Variants in IKZF3 observed in about 807,000 individuals in gnomAD.
IKZF3 encodes the protein zinc finger protein Aiolos.
Under a neutral mutation model 49.0 loss-of-function variants are expected in IKZF3, and 10 were observed. The observed-to-expected ratio is 0.20, with a 90% CI of 0.13 to 0.35. The LOEUF is 0.35. IKZF3 is among the 10% of genes least tolerant of loss of function. IKZF3 has a pLI of 1.00. For synonymous variants in IKZF3, 209 were observed against 228.2 expected (o/e 0.92, Z 0.76); for missense variants, 498 against 664.8 (o/e 0.75, Z 2.76).
At chr17:39,788,488 G>A (rs2060927257) in intron 5 of IKZF3, 114 bp from the exon 6 acceptor site, 1 of 679,618 alleles carries the variant, frequency 1.5e-6, no homozygotes, top group Non-Finnish European at 2.7e-6. Context: ...TGAAGCCAGA[G>A]TATTTGGATA....
chr17:39,779,199 G>A (rs1171026066), intron 6 of IKZF3, among the ~76,000 whole-genome samples: 1 of 152,178 alleles, frequency 6.6e-6, no homozygotes, highest in African/African-American at 2.4e-5. Context: ...GGTGGCTCAC[G>A]TCTATAATCC....
At position 39,764,600 on chromosome 17, in the gene IKZF3, G is replaced by C. The variant is rs1303405116; in HGVS notation, c.*1190C>G. 2 of 151,870 alleles carry C rather than the reference G, an allele frequency of 1.3e-5. No individual in the cohort carries two copies. Among genetic ancestry groups the C allele is most frequent in the Admixed American group, 1.3e-4 (2 of 15,258 alleles). The allele number at this position is 151,870 out of a possible 1,614,324, so 9.4% of individuals were successfully genotyped here. A position where few individuals can be genotyped will look rare whatever the true frequency, so the allele number is the denominator to read the frequency against. On this transcript the variant is annotated 3_prime_UTR_variant, in exon 8 of 8. Coordinates refer to ENST00000346872, the MANE Select transcript of IKZF3 (RefSeq NM_012481.5). ...CCTCCTGATAGTATGTACATATTAT[G>C]AGTGACAAGGATGACTTATACATCT...
chr17:39,812,430 G>C (rs889482422), intron 3 of IKZF3, among the ~76,000 whole-genome samples: 1 of 152,032 alleles, frequency 6.6e-6, no homozygotes, highest in African/African-American at 2.4e-5. Context: ...GCTCAGGATC[G>C]GGGAAGGGCT....
At chr17:39,846,323 T>C (rs1205072381) in intron 1 of IKZF3, among the ~76,000 whole-genome samples, 1 of 152,170 alleles carries the variant, frequency 6.6e-6, no homozygotes, top group Non-Finnish European at 1.5e-5. Flanking sequence ...ATAGCCATTC[T>C]AGCAATCTCA....
At chr17:39,780,435 C>T (rs1032637481) in intron 6 of IKZF3, among the ~76,000 whole-genome samples, 13 of 152,082 alleles carry the variant, frequency 8.5e-5, no homozygotes, top group Non-Finnish European at 1.5e-4. Flanking sequence ...ATGATCACAG[C>T]TCACTGCAGG....
intron 5 of IKZF3, among the ~76,000 whole-genome samples, chr17:39,790,835 T>C (rs2060999795): frequency 6.6e-6 from 1 of 151,042 alleles, no homozygotes; most frequent in South Asian, 2.1e-4. Flanking sequence ...GTGGGAGGAA[T>C]GCCTGAGCTC....
At chr17:39,778,951 C>T (rs1313608139) in intron 6 of IKZF3, among the ~76,000 whole-genome samples, 1 of 152,214 alleles carries the variant, frequency 6.6e-6, no homozygotes, top group Non-Finnish European at 1.5e-5. Context: ...ATACCTATGC[C>T]CAGGCCCCCC....
intron 6 of IKZF3, among the ~76,000 whole-genome samples, chr17:39,783,064 G>T (rs535038328): frequency 6.6e-6 from 1 of 152,228 alleles, no homozygotes; most frequent in African/African-American, 2.4e-5. Flanking sequence ...ATGTAATTGT[G>T]TTGTGCTTTT....
intron 5 of IKZF3, among the ~76,000 whole-genome samples, chr17:39,790,023 A>G (rs1423727153): frequency 6.6e-6 from 1 of 152,200 alleles, no homozygotes; most frequent in Non-Finnish European, 1.5e-5. Context: ...AACTCCCCAA[A>G]TGCTTTATTG....
chr17:39,835,994 G>T, intron 1 of IKZF3: 1 of 638,388 alleles, frequency 1.6e-6, no homozygotes, highest in Admixed American at 2.0e-5. Context: ...TCTTGGACAT[G>T]TTGTCCATGC....
At chr17:39,809,058 C>G (rs2061494759) in intron 3 of IKZF3, among the ~76,000 whole-genome samples, 2 of 152,192 alleles carry the variant, frequency 1.3e-5, no homozygotes, top group East Asian at 3.8e-4. Flanking sequence ...GCAGAAAAGG[C>G]TGGTTCTAAC....
chr17:39,830,388 T>C (rs2062077691), intron 2 of IKZF3, among the ~76,000 whole-genome samples: 1 of 152,134 alleles, frequency 6.6e-6, no homozygotes, highest in African/African-American at 2.4e-5. Context: ...TACTTTGAGA[T>C]ATAGATAAGA....
At chr17:39,773,570 T>C (rs2143662355) in intron 7 of IKZF3, among the ~76,000 whole-genome samples, 1 of 152,244 alleles carries the variant, frequency 6.6e-6, no homozygotes, top group Non-Finnish European at 1.5e-5. Flanking sequence ...TTTTTTCATG[T>C]TCTTTTCGTT....
In IKZF3 at chr17:39,761,195, G is replaced by A. The variant is rs369606415; in HGVS notation, c.*4595C>T. 24 of 152,336 alleles carry A rather than the reference G, an allele frequency of 1.6e-4. No individual in the cohort carries two copies. The East Asian group carries it at 3.9e-3, about 24-fold the overall frequency. 9.4% of individuals were successfully genotyped at this position (152,336 alleles called of 1,614,324 possible). On this transcript the variant is annotated 3_prime_UTR_variant, in exon 8 of 8. Transcript: ENST00000346872. ...TTTGTCACTGACAAAGTCAGAAGCTGTGTCAGGAACAGCTCACAGTGGGTC... is the reference window on the plus strand; with the variant it reads ...TTTGTCACTGACAAAGTCAGAAGCTATGTCAGGAACAGCTCACAGTGGGTC...
chr17:39,797,720 G>T (rs2143950444), intron 3 of IKZF3, among the ~76,000 whole-genome samples: 1 of 152,066 alleles, frequency 6.6e-6, no homozygotes, highest in East Asian at 1.9e-4. Flanking sequence ...ACCGTGCCCG[G>T]CCCCTGCACT....
At chr17:39,780,005 C>T (rs899227961) in intron 6 of IKZF3, among the ~76,000 whole-genome samples, 3 of 152,006 alleles carry the variant, frequency 2.0e-5, no homozygotes, top group African/African-American at 7.3e-5. Context: ...TTGAGACCAA[C>T]CTGGGCAATA....
chr17:39,800,123 T>G (rs1231734312), intron 3 of IKZF3, among the ~76,000 whole-genome samples: 1 of 152,248 alleles, frequency 6.6e-6, no homozygotes, highest in Non-Finnish European at 1.5e-5. Flanking sequence ...GGGAACTGCC[T>G]GATAGTATCC....
intron 6 of IKZF3, among the ~76,000 whole-genome samples, chr17:39,784,667 G>A (rs1210436500): frequency 1.3e-5 from 2 of 152,210 alleles, no homozygotes; most frequent in Non-Finnish European, 2.9e-5. Flanking sequence ...CTCCCAAAGT[G>A]TCAGGATTAC....
intron 3 of IKZF3, among the ~76,000 whole-genome samples, chr17:39,818,852 AAAAC>A (rs1338926238): frequency 7.9e-5 from 12 of 152,128 alleles, no homozygotes; most frequent in Non-Finnish European, 1.5e-5. Flanking sequence ...AGCAACAACA[AAAAC>A]AAAACAACAA....
Sources: gnomAD v4.1 joint callset for allele counts (sites outside exome capture counted in the v4.1 genomes callset) on GRCh38, gnomAD v4.1.1 for gene constraint, MANE v1.5 for transcripts, NCBI Gene and HGNC (gene_info 2026-07-23, HGNC 2026-07-21) for gene names.